The following KLRK1 variants were observed in gnomAD, a reference collection of about 807,000 sequenced individuals.
KLRK1 encodes killer cell lectin like receptor K1, also known as NKG2-D type II integral membrane protein.
A neutral mutation model predicts 31.3 loss-of-function variants in KLRK1; 40 were observed. The ratio of observed to expected loss-of-function variants is 1.28; its 90% CI spans 0.99 to 1.67. KLRK1 has a LOEUF of 1.67. Ranked by LOEUF, KLRK1 falls within the 40% of genes most tolerant of loss-of-function variation. KLRK1 has a pLI of 0.00. For missense variants in KLRK1, 251 were observed against 260.0 expected (o/e 0.97, Z 0.24); for synonymous variants, 77 against 77.3 (o/e 1.00, Z 0.02).
Position 10,379,355 on chromosome 12 carries a change from T to C in KLRK1, c.277+92A>G, listed in dbSNP as rs891691492. On this transcript the variant is annotated intron_variant, in intron 5 of 7. Coordinates refer to ENST00000240618, the MANE Select transcript of KLRK1 (RefSeq NM_007360.4). ...TATTACAGACTAGAATTAATTACTT[T>C]TTCCTTTTTTAATCATGGAATACAT... 5.4e-6 allele frequency: 4 copies of C among 744,466 alleles called. No individual in the cohort carries two copies. In the African/African-American group the frequency reaches 7.2e-5, roughly 13 times the overall value. The allele number at this position is 744,466 out of a possible 1,614,324, so 46.1% of individuals were successfully genotyped here.
intron 3 of KLRK1, chr12:10,382,213 G>A (rs1863088538): frequency 6.6e-6 from 1 of 152,240 alleles, no homozygotes; most frequent in Non-Finnish European, 1.5e-5. Context: ...CAAACCCAGA[G>A]AAAGATATGA....
At chr12:10,376,358 AAATT>A (rs1221613952) in intron 7 of KLRK1, among the ~76,000 whole-genome samples, 1 of 152,260 alleles carries the variant, frequency 6.6e-6, no homozygotes. Context: ...AATGAAAATG[AAATT>A]AAATTAGAAA....
chr12:10,384,354 C>T (rs111948223), intron 3 of KLRK1, among the ~76,000 whole-genome samples: 6 of 151,972 alleles, frequency 3.9e-5, no homozygotes, highest in East Asian at 1.9e-4. Flanking sequence ...TCAATATATA[C>T]GACAAAACTA....
At chr12:10,377,762 ATACTT>A (rs1862992763) in intron 7 of KLRK1, among the ~76,000 whole-genome samples, 1 of 152,234 alleles carries the variant, frequency 6.6e-6, no homozygotes. Flanking sequence ...ATCAAATTGT[ATACTT>A]TATATATGTG....
rs1863245461 is a variant in KLRK1, at chr12:10,390,003, T to C, written c.-126A>G. 1 of 151,984 alleles carries C rather than the reference T, an allele frequency of 6.6e-6. No homozygotes were observed. Among genetic ancestry groups the C allele is most frequent in the Non-Finnish European group, 1.5e-5 (1 of 67,950 alleles). 9.4% of individuals were successfully genotyped at this position (151,984 alleles called of 1,614,324 possible). A position where few individuals can be genotyped will look rare whatever the true frequency, so the allele number is the denominator to read the frequency against. ...AAAAGCCTTCTATAAAACTAGAAAATTTAGATATGTCCTCAGTTCCTGATC... is the reference window on the plus strand; with the variant it reads ...AAAAGCCTTCTATAAAACTAGAAAACTTAGATATGTCCTCAGTTCCTGATC... On this transcript the variant is annotated 5_prime_UTR_variant, in exon 1 of 8. Transcript: ENST00000240618.
In KLRK1 at chr12:10,379,971, C is replaced by T. The variant is rs1863040118; in HGVS notation, c.149-179G>A. 7.5e-6 allele frequency: 3 copies of T among 398,254 alleles called. No individual in the cohort carries two copies. In the South Asian group the frequency reaches 1.7e-4, roughly 23 times the overall value. 24.7% of individuals were successfully genotyped at this position (398,254 alleles called of 1,614,324 possible). On this transcript the variant is annotated intron_variant, in intron 3 of 7. Transcript: ENST00000240618. Reference sequence around the variant, plus strand: ...TCGCAAATGATCAAAAACTAGAGTACAACAATGTAATATTTCCTTCTATAC... The same window carrying T: ...TCGCAAATGATCAAAAACTAGAGTATAACAATGTAATATTTCCTTCTATAC...
chr12:10,378,800 A>G, intron 5 of KLRK1, 95 bp from the exon 6 acceptor site: 1 of 1,353,586 alleles, frequency 7.4e-7, no homozygotes. Context: ...CTCCAACTCT[A>G]AAATTTCAGA....
At chr12:10,385,674 T>A (rs185000810) in intron 3 of KLRK1, among the ~76,000 whole-genome samples, 2 of 151,938 alleles carry the variant, frequency 1.3e-5, no homozygotes, top group African/African-American at 4.8e-5. Context: ...ACATGCGGGA[T>A]TTTTCTAGTG....
At chr12:10,375,518 C>T (rs542820858) in intron 7 of KLRK1, among the ~76,000 whole-genome samples, 1 of 152,214 alleles carries the variant, frequency 6.6e-6, no homozygotes, top group East Asian at 1.9e-4. Flanking sequence ...CCTAATTAAC[C>T]TAATTTTAAC....
chr12:10,385,490 G>A (rs1172010163), intron 3 of KLRK1, among the ~76,000 whole-genome samples: 1 of 151,760 alleles, frequency 6.6e-6, no homozygotes, highest in Non-Finnish European at 1.5e-5. Flanking sequence ...ATAATGTTAC[G>A]TAGAGTAAAT....
intron 6 of KLRK1, 37 bp from the exon 7 acceptor site, chr12:10,378,272 G>A (rs760249259): frequency 1.9e-6 from 3 of 1,593,944 alleles, no homozygotes; most frequent in Non-Finnish European, 2.6e-6. Flanking sequence ...AGTAAAATCA[G>A]TGTTGATAAT....
intron 3 of KLRK1, among the ~76,000 whole-genome samples, chr12:10,385,809 C>G (rs1863157432): frequency 6.6e-6 from 1 of 151,874 alleles, no homozygotes; most frequent in Non-Finnish European, 1.5e-5. Flanking sequence ...GATGGGTGTG[C>G]TAATTACCTT....
intron 1 of KLRK1, 27 bp downstream of exon 1, chr12:10,389,916 C>T (rs3736060): frequency 6.6e-6 from 1 of 151,790 alleles, no homozygotes; most frequent in Non-Finnish European, 1.5e-5. Context: ...GAATAATAAA[C>T]ACACACACAT....
At chr12:10,384,296 A>G (rs558413886) in intron 3 of KLRK1, among the ~76,000 whole-genome samples, 29 of 152,186 alleles carry the variant, frequency 1.9e-4, no homozygotes, top group African/African-American at 6.5e-4. Flanking sequence ...TAGCCAAAGC[A>G]ATCTTGAACA....
intron 3 of KLRK1, chr12:10,382,007 G>C (rs1340006627): frequency 6.6e-6 from 1 of 152,144 alleles, no homozygotes; most frequent in Non-Finnish European, 1.5e-5. Flanking sequence ...GGAGCATTTT[G>C]ACCCACCGTG....
intron 7 of KLRK1, among the ~76,000 whole-genome samples, chr12:10,376,492 C>CAAAAAATA (rs1420584243): frequency 6.6e-6 from 1 of 151,792 alleles, no homozygotes; most frequent in Non-Finnish European, 1.5e-5. Context: ...TGAATGGAAA[C>CAAAAAATA]AAAAAGTAGT....
intron 7 of KLRK1, 117 bp downstream of exon 7, chr12:10,378,014 TA>T: frequency 3.7e-6 from 4 of 1,095,792 alleles, no homozygotes; most frequent in Non-Finnish European, 5.2e-6. Context: ...CACTTTTTAC[TA>T]AATCTATTAG....
intron 3 of KLRK1, among the ~76,000 whole-genome samples, chr12:10,385,685 T>G (rs1453112868): frequency 6.6e-6 from 1 of 152,018 alleles, no homozygotes; most frequent in Non-Finnish European, 1.5e-5. Flanking sequence ...TTTTCTAGTG[T>G]TCTATAGCAC....
In KLRK1 at chr12:10,372,759, ACT is replaced by A; in HGVS notation, c.*353_*354del. On this transcript the variant is annotated 3_prime_UTR_variant, in exon 8 of 8. Coordinates refer to ENST00000240618, the MANE Select transcript of KLRK1 (RefSeq NM_007360.4). Reference sequence around the variant, plus strand: ...AATTTCCTGTGGAGGGTGGGGTTGCACTCTCAGTGATCTGCTGGCCTTCTCTT... The same window carrying A: ...AATTTCCTGTGGAGGGTGGGGTTGCACTCAGTGATCTGCTGGCCTTCTCTT... 1 of 261,748 alleles carries A rather than the reference ACT, an allele frequency of 3.8e-6. No homozygotes were observed. Among genetic ancestry groups the A allele is most frequent in the Non-Finnish European group, 7.3e-6 (1 of 137,524 alleles). The allele number at this position is 261,748 out of a possible 1,614,324, so 16.2% of individuals were successfully genotyped here.
Sources: gnomAD v4.1 joint callset for allele counts (sites outside exome capture counted in the v4.1 genomes callset) on GRCh38, gnomAD v4.1.1 for gene constraint, MANE v1.5 for transcripts, NCBI Gene and HGNC (gene_info 2026-07-23, HGNC 2026-07-21) for gene names.